The following CADPS2 variants were observed in gnomAD, a reference collection of about 807,000 sequenced individuals.
CADPS2 encodes the protein calcium dependent secretion activator 2.
CADPS2 carries 93 observed loss-of-function variants against 172.5 expected under a neutral mutation model. The ratio of observed to expected loss-of-function variants is 0.54; its 90% CI spans 0.46 to 0.64. The LOEUF is 0.64. CADPS2 is among the 30% of genes least tolerant of loss of function. The pLI is 0.00. For synonymous variants in CADPS2, 546 were observed against 555.2 expected, an observed-to-expected ratio of 0.98 and a Z score of 0.23; for missense variants, 1,420 against 1,565.9, an observed-to-expected ratio of 0.91 and a Z score of 1.57.
chr7:122,515,688 C>T (rs541543580), intron 8 of CADPS2, among the ~76,000 whole-genome samples: 2 of 152,200 alleles, frequency 1.3e-5, no homozygotes, highest in South Asian at 2.1e-4. Flanking sequence ...ATCAACACCA[C>T]AAGCTACTCA....
chr7:122,393,974 T>A (rs2044734235), intron 20 of CADPS2, among the ~76,000 whole-genome samples: 1 of 152,212 alleles, frequency 6.6e-6, no homozygotes, highest in Non-Finnish European at 1.5e-5. Context: ...TGTGCTATGC[T>A]GTGTATCACA....
chr7:122,647,969 G>A (rs2134836873), intron 3 of CADPS2, among the ~76,000 whole-genome samples: 1 of 152,202 alleles, frequency 6.6e-6, no homozygotes, highest in Non-Finnish European at 1.5e-5. Flanking sequence ...TACCTTGTTA[G>A]TTCTTCTCTA....
intron 2 of CADPS2, among the ~76,000 whole-genome samples, chr7:122,735,814 C>T (rs571039183): frequency 6.6e-6 from 1 of 152,198 alleles, no homozygotes; most frequent in South Asian, 2.1e-4. Context: ...AGACTTTTGG[C>T]TTTTCTTTAG....
At chr7:122,533,654 C>T (rs2061974727) in intron 8 of CADPS2, among the ~76,000 whole-genome samples, 1 of 151,984 alleles carries the variant, frequency 6.6e-6, no homozygotes, top group African/African-American at 2.4e-5. Context: ...TATTTTATGC[C>T]AATTAACAAA....
At chr7:122,424,717 T>C (rs1295810748) in intron 17 of CADPS2, among the ~76,000 whole-genome samples, 1 of 152,224 alleles carries the variant, frequency 6.6e-6, no homozygotes, top group African/African-American at 2.4e-5. Context: ...TCGGCCCAAT[T>C]TGAGTTTTAT....
chr7:122,656,612 C>T (rs575574441), intron 3 of CADPS2, among the ~76,000 whole-genome samples: 91 of 152,180 alleles, frequency 6.0e-4, no homozygotes, highest in African/African-American at 2.1e-3. Flanking sequence ...GAGGACACTC[C>T]ATCTCTCCAA....
chr7:122,504,610 A>G (rs1287340234), intron 9 of CADPS2, among the ~76,000 whole-genome samples: 1 of 152,092 alleles, frequency 6.6e-6, no homozygotes, highest in African/African-American at 2.4e-5. Flanking sequence ...TCTGTCACCT[A>G]GGCTGGAGTG....
At chr7:122,477,049 G>A (rs1318337435) in intron 12 of CADPS2, among the ~76,000 whole-genome samples, 2 of 26,670 alleles carry the variant, frequency 7.5e-5, no homozygotes, top group Non-Finnish European at 1.3e-4. Flanking sequence ...AGAGGAGAGA[G>A]AGAAGAGAGA....
intron 1 of CADPS2, among the ~76,000 whole-genome samples, chr7:122,738,442 A>T (rs1244963869): frequency 6.6e-6 from 1 of 151,930 alleles, no homozygotes; most frequent in African/African-American, 2.4e-5. Flanking sequence ...AAAACAACAT[A>T]GTCTTGGAGA....
At chr7:122,800,522 TG>T (rs1797380225) in intron 1 of CADPS2, among the ~76,000 whole-genome samples, 1 of 152,190 alleles carries the variant, frequency 6.6e-6, no homozygotes, top group South Asian at 2.1e-4. Flanking sequence ...AAGTAGTAGA[TG>T]TAGGTTGGGG....
intron 1 of CADPS2, among the ~76,000 whole-genome samples, chr7:122,826,521 A>G (rs1007085423): frequency 1.3e-5 from 2 of 152,232 alleles, no homozygotes; most frequent in African/African-American, 2.4e-5. Context: ...TAAGGTGGCC[A>G]TAATAAAAAA....
In CADPS2 at chr7:122,387,071, G is replaced by A. The variant is rs2043782461; in HGVS notation, c.3267C>T (p.Ala1089=). Reference sequence around the variant, plus strand: ...CACAGAGTTTGGTGCTTTGCTTTTTGGCATCGACTAATACATTAAACATAG... The same window carrying A: ...CACAGAGTTTGGTGCTTTGCTTTTTAGCATCGACTAATACATTAAACATAG... ...VCTMFNVLVD[A]KKQSTKLCAL... is the part of the protein sequence containing the mutation. The change falls in exon 24 of 30, where the codon GCC becomes GCT. Residue 1089 remains alanine (A), a synonymous_variant. Coordinates refer to ENST00000449022, the MANE Select transcript of CADPS2 (RefSeq NM_017954.11). The A allele has an allele frequency of 3.8e-6, 6 of 1,560,740 alleles. No homozygotes were observed. The highest frequency in any genetic ancestry group is 1.4e-5 in the African/African-American group (1 of 73,810).
chr7:122,493,924 T>A lies in CADPS2; in HGVS notation c.1543-2504A>T, dbSNP rs550844946. ...TCATCATTTGTACCCTTCTCTATAA[T>A]CAATTTTGTCAGAGGTTTATTCACT... On this transcript the variant is annotated intron_variant, in intron 9 of 29. Coordinates refer to ENST00000449022, the MANE Select transcript of CADPS2 (RefSeq NM_017954.11). Among the ~76,000 whole-genome samples, 33 of 152,290 alleles carry A rather than the reference T, an allele frequency of 2.2e-4. 1 individual carries two copies.
chr7:122,684,454 C>CAT (rs931723616), intron 2 of CADPS2, among the ~76,000 whole-genome samples: 1 of 151,896 alleles, frequency 6.6e-6, no homozygotes, highest in African/African-American at 2.4e-5. Flanking sequence ...TATATACACA[C>CAT]ATATATATAC....
At chr7:122,834,727 G>C (rs745900231) in intron 1 of CADPS2, among the ~76,000 whole-genome samples, 2 of 152,194 alleles carry the variant, frequency 1.3e-5, no homozygotes, top group Non-Finnish European at 2.9e-5. Context: ...AGGCGGCAGC[G>C]AGGCTGGGGG....
chr7:122,739,284 T>C (rs2137903237), intron 1 of CADPS2, among the ~76,000 whole-genome samples: 1 of 152,302 alleles, frequency 6.6e-6, no homozygotes, highest in South Asian at 2.1e-4. Context: ...TTGTGCCAAC[T>C]CCTTTGCTTG....
intron 7 of CADPS2, among the ~76,000 whole-genome samples, chr7:122,555,691 A>T (rs1182480512): frequency 6.6e-6 from 1 of 152,090 alleles, no homozygotes; most frequent in Non-Finnish European, 1.5e-5. Flanking sequence ...GTGAATCTGA[A>T]ATTTCTTTGT....
intron 7 of CADPS2, among the ~76,000 whole-genome samples, chr7:122,558,094 T>A (rs2065258468): frequency 6.6e-6 from 1 of 152,236 alleles, no homozygotes; most frequent in Non-Finnish European, 1.5e-5. Flanking sequence ...TATTTTGAAT[T>A]ATTGAAATGT....
chr7:122,476,819 T>G (rs1178891896), intron 12 of CADPS2, among the ~76,000 whole-genome samples: 1 of 152,110 alleles, frequency 6.6e-6, no homozygotes, highest in Non-Finnish European at 1.5e-5. Flanking sequence ...AGACCAAACA[T>G]TTTTACTTTC....
Sources: allele counts gnomAD v4.1 joint callset (sites outside exome capture counted in the v4.1 genomes callset), GRCh38; gene constraint gnomAD v4.1.1; transcripts MANE v1.5; gene names NCBI Gene and HGNC (gene_info 2026-07-23, HGNC 2026-07-21).